Variants in MAP7D3 observed in about 807,000 individuals in gnomAD.
The protein encoded by MAP7D3 is MAP7 domain containing 3.
In MAP7D3, 45 loss-of-function variants were observed where a neutral mutation model predicts 62.2. The ratio of observed to expected loss-of-function variants is 0.72; its 90% CI spans 0.57 to 0.93. The LOEUF is 0.93. Ranked by LOEUF, MAP7D3 falls within the 40% of genes least tolerant of loss-of-function variation. The pLI is 0.00. For synonymous variants in MAP7D3, 288 were observed against 248.8 expected (o/e 1.16, Z -1.48); for missense variants, 711 against 683.1 (o/e 1.04, Z -0.45).
rs748506605 is a variant in MAP7D3, at chrX:136,228,716, G to A, written c.1793C>T (p.Ala598Val). ...CAATTCTGTCAAAATTTTTGTTGCC[G>A]CCTCGGCATTCATAATACCTGCAGT... ...KSTAGIMNAE[A>V]ATKILTELRR... Residue 598 changes from alanine to valine, a missense_variant, in exon 11 of 19, where the codon GCG becomes GTG. Coordinates refer to ENST00000316077, the MANE Select transcript of MAP7D3 (RefSeq NM_024597.4). The A allele has an allele frequency of 1.7e-6, 2 of 1,202,315 alleles. No individual in the cohort carries two copies. The highest frequency in any genetic ancestry group is 1.8e-5 in the African/African-American group (1 of 56,911).
At chrX:136,219,547 T>C (rs2074098876) in intron 17 of MAP7D3, 46 bp downstream of exon 17, 6 of 1,163,474 alleles carry the variant, frequency 5.2e-6, no homozygotes, top group South Asian at 3.6e-5. Context: ...TAAACAATGT[T>C]GGTGATCTTG....
At chrX:136,214,738 T>C (rs1439680622), downstream of MAP7D3, 1 of 112,326 alleles carries the variant, frequency 8.9e-6, no homozygotes, top group East Asian at 2.8e-4. Flanking sequence ...TCATTCCACA[T>C]GCAGTGTCCA....
At chrX:136,218,787 T>C (rs1039144213) in intron 18 of MAP7D3, among the ~76,000 whole-genome samples, 2 of 111,864 alleles carry the variant, frequency 1.8e-5, no homozygotes, top group Non-Finnish European at 3.8e-5. Context: ...TAAGCAACTG[T>C]CTGTGTGCTT....
chrX:136,250,183 GAC>G (rs1296202024), intron 1 of MAP7D3, among the ~76,000 whole-genome samples: 1 of 112,069 alleles, frequency 8.9e-6, no homozygotes, highest in Non-Finnish European at 1.9e-5. Context: ...ATATGCTTCT[GAC>G]ACAGTCTTTG....
chrX:136,233,251 C>T (rs193245561), intron 7 of MAP7D3, among the ~76,000 whole-genome samples: 63 of 105,873 alleles, frequency 6.0e-4, no homozygotes, highest in African/African-American at 1.9e-3. Context: ...ATCTTCTACA[C>T]GAAATATTTA....
At position 136,217,378 on chromosome X, in the gene MAP7D3, CG is replaced by C. The variant is rs1174641538; in HGVS notation, c.*1147del. The C allele has an allele frequency of 1.8e-5, 2 of 111,552 alleles. No individual in the cohort carries two copies. The highest frequency in any genetic ancestry group is 3.3e-5 in the African/African-American group (1 of 30,701). 9.2% of individuals were successfully genotyped at this position (111,552 alleles called of 1,213,427 possible). On this transcript the variant is annotated 3_prime_UTR_variant, in exon 19 of 19. Transcript: ENST00000316077. ...ATTTAGAGGAATTAAACATACCCCA[CG>C]GGACAACAGCCATATACTCCTTTAT...
intron 1 of MAP7D3, among the ~76,000 whole-genome samples, chrX:136,250,864 C>T (rs1255864335): frequency 8.9e-6 from 1 of 111,875 alleles, no homozygotes; most frequent in Non-Finnish European, 1.9e-5. Flanking sequence ...GCCCGCACAT[C>T]CCAGGCAGCT....
chrX:136,254,301 T>A (rs531108707), upstream of MAP7D3, among the ~76,000 whole-genome samples: 2 of 109,681 alleles, frequency 1.8e-5, no homozygotes, highest in South Asian at 8.3e-4. Context: ...ACCAGTCTAG[T>A]CTCCAACTCC....
chrX:136,247,493 A>G (rs5930912), intron 1 of MAP7D3, among the ~76,000 whole-genome samples: 50,601 of 109,830 alleles, frequency 0.46, 9,120 homozygotes, highest in East Asian at 0.7. Flanking sequence ...TTGGACTTAT[A>G]AAATGAATGA....
At position 136,231,901 on chromosome X, in the gene MAP7D3, A is replaced by G. The variant is rs1295613387; in HGVS notation, c.1056T>C (p.Tyr352=). The change falls in exon 8 of 19, where the codon TAT becomes TAC. Residue 352 remains tyrosine, a synonymous_variant. Coordinates refer to ENST00000316077, the MANE Select transcript of MAP7D3 (RefSeq NM_024597.4). ...SVDVSPVVST[Y]DSEMSMDASP... ...ATGCGTCCATGCTCATCTCAGAATC[A>G]TATGTGCTCACCACAGGCGACACGT... The G allele has an allele frequency of 1.4e-5, 17 of 1,210,589 alleles. No individual in the cohort carries two copies. Among genetic ancestry groups the G allele is most frequent in the Non-Finnish European group, 1.9e-5 (17 of 895,156 alleles).
At chrX:136,234,034 A>G (rs750330919) in intron 7 of MAP7D3, among the ~76,000 whole-genome samples, 7 of 111,411 alleles carry the variant, frequency 6.3e-5, no homozygotes, top group African/African-American at 2.0e-4. Flanking sequence ...AATTGGGCAT[A>G]AAAAAGTCAG....
At chrX:136,249,562 A>G (rs1446414066) in intron 1 of MAP7D3, among the ~76,000 whole-genome samples, 1 of 112,612 alleles carries the variant, frequency 8.9e-6, no homozygotes, top group Non-Finnish European at 1.9e-5. Flanking sequence ...ACACATATAT[A>G]TATACATGTA....
At chrX:136,215,458 G>A (rs918639676), downstream of MAP7D3, among the ~76,000 whole-genome samples, 12 of 112,023 alleles carry the variant, frequency 1.1e-4, no homozygotes, top group Non-Finnish European at 1.9e-4. Context: ...GTCTGTCACT[G>A]TCTCCCATCA....
At chrX:136,245,756 C>CA (rs1247923996) in intron 3 of MAP7D3, among the ~76,000 whole-genome samples, 12 of 102,324 alleles carry the variant, frequency 1.2e-4, no homozygotes, top group African/African-American at 1.4e-4. Flanking sequence ...CAAAACAAAA[C>CA]AAAAAAAAAA....
downstream of MAP7D3, among the ~76,000 whole-genome samples, chrX:136,216,420 A>T (rs990570464): frequency 3.8e-5 from 4 of 105,511 alleles, no homozygotes; most frequent in African/African-American, 1.4e-4. Flanking sequence ...AGAAGAAAGA[A>T]GAAAGAAGAA....
intron 15 of MAP7D3, 142 bp downstream of exon 15, chrX:136,222,251 A>T (rs1356207936): frequency 6.9e-6 from 3 of 435,176 alleles, no homozygotes; most frequent in Non-Finnish European, 1.2e-5. Context: ...CACTCTAGGA[A>T]AAGGACATTA....
intron 11 of MAP7D3, among the ~76,000 whole-genome samples, chrX:136,228,355 TG>T (rs2148404677): frequency 8.9e-6 from 1 of 112,076 alleles, no homozygotes; most frequent in Non-Finnish European, 1.9e-5. Flanking sequence ...AATGTGAGTT[TG>T]GTCTCTGTGC....
chrX:136,219,982 T>C (rs2074104906), intron 16 of MAP7D3, among the ~76,000 whole-genome samples: 2 of 112,009 alleles, frequency 1.8e-5, no homozygotes, highest in East Asian at 5.6e-4. Context: ...AGTAACAGAA[T>C]TGGTACAGGT....
chrX:136,240,263 TG>T lies in MAP7D3; in HGVS notation c.640+118del, dbSNP rs1296205398. 3.7e-5 allele frequency: 17 copies of T among 459,611 alleles called. No homozygotes were observed. The Admixed American group carries it at 5.9e-4, about 16-fold the overall frequency. 37.9% of individuals were successfully genotyped at this position (459,611 alleles called of 1,213,427 possible). ...TCTCTCCCTCTGCTGTAAAATAACA[TG>T]GGACTCTTCTGAAATAAACATAAAT... On this transcript the variant is annotated intron_variant, in intron 6 of 18. Transcript: ENST00000316077.
Sources: gnomAD v4.1 joint callset for allele counts (sites outside exome capture counted in the v4.1 genomes callset) on GRCh38, gnomAD v4.1.1 for gene constraint, MANE v1.5 for transcripts, NCBI Gene and HGNC (gene_info 2026-07-23, HGNC 2026-07-21) for gene names.